PDE4D: variants seen among roughly 807,000 people sequenced by gnomAD.
PDE4D encodes the protein phosphodiesterase 4D.
Under a neutral mutation model 87.4 loss-of-function variants are expected in PDE4D, and 24 were observed. That is an observed-to-expected ratio of 0.27 (90% CI 0.20 to 0.39). The LOEUF is 0.39. PDE4D is among the 10% of genes least tolerant of loss of function. The pLI is 1.00. For missense variants in PDE4D, 714 were observed against 1,041.0 expected, an observed-to-expected ratio of 0.69 and a Z score of 4.32; for synonymous variants, 384 against 383.2, an observed-to-expected ratio of 1.00 and a Z score of -0.02.
chr5:59,975,117 T>C (rs1761173761), intron 3 of PDE4D, among the ~76,000 whole-genome samples: 1 of 152,220 alleles, frequency 6.6e-6, no homozygotes, highest in Non-Finnish European at 1.5e-5. Context: ...GCCAATCAAC[T>C]CTACTTCCTT....
intron 2 of PDE4D, among the ~76,000 whole-genome samples, chr5:59,200,057 GCATGT>G (rs1561688166): frequency 1.3e-5 from 2 of 148,250 alleles, no homozygotes; most frequent in Non-Finnish European, 1.5e-5. Context: ...GTACACACAT[GCATGT>G]ACACACACGT....
At chr5:60,008,866 C>T (rs1318454824) in intron 2 of PDE4D, among the ~76,000 whole-genome samples, 1 of 151,884 alleles carries the variant, frequency 6.6e-6, no homozygotes. Context: ...AGTATTTTGT[C>T]TTATTATATT....
At chr5:59,038,732 G>A in intron 6 of PDE4D, 127 bp downstream of exon 6, 6 of 879,524 alleles carry the variant, frequency 6.8e-6, no homozygotes, top group Non-Finnish European at 9.8e-6. Context: ...CTAAGGAGCA[G>A]AATAGCCAAC....
intron 1 of PDE4D, among the ~76,000 whole-genome samples, chr5:59,315,067 G>A (rs1160655051): frequency 2.0e-5 from 3 of 152,156 alleles, no homozygotes; most frequent in African/African-American, 7.2e-5. Context: ...ATGGGAGCCT[G>A]CTGGCAGAAA....
intron 5 of PDE4D, among the ~76,000 whole-genome samples, chr5:59,119,145 CA>C (rs1269668199): frequency 6.6e-6 from 1 of 152,144 alleles, no homozygotes; most frequent in Non-Finnish European, 1.5e-5. Flanking sequence ...CTTTAAGGTT[CA>C]AAAGATAGCT....
intron 3 of PDE4D, among the ~76,000 whole-genome samples, chr5:59,901,853 A>C (rs1434179172): frequency 6.6e-6 from 1 of 151,786 alleles, no homozygotes; most frequent in East Asian, 1.9e-4. Context: ...TGGTAAAGGT[A>C]AACATTCACA....
chr5:60,407,444 CTTTTTTTTTT>C (rs70975385), intron 1 of PDE4D, among the ~76,000 whole-genome samples: 162 of 80,100 alleles, frequency 2.0e-3, no homozygotes, highest in African/African-American at 8.8e-3. Flanking sequence ...TTTCTTTTTC[CTTTTTTTTTT>C]TTTTTTTTTT....
intron 1 of PDE4D, among the ~76,000 whole-genome samples, chr5:59,574,083 TTTA>T (rs1561240679): frequency 0.025 from 251 of 10,094 alleles, 7 homozygotes; most frequent in African/African-American, 0.071. Flanking sequence ...TATATATATA[TTTA>T]TATATATAAA....
chr5:59,303,499 T>A (rs1208678028), intron 1 of PDE4D, among the ~76,000 whole-genome samples: 5 of 152,176 alleles, frequency 3.3e-5, no homozygotes, highest in African/African-American at 1.2e-4. Flanking sequence ...TCCAAAGTTA[T>A]CTTCTAAAAT....
intron 1 of PDE4D, among the ~76,000 whole-genome samples, chr5:59,369,700 G>T (rs1783653978): frequency 6.6e-6 from 1 of 152,096 alleles, no homozygotes; most frequent in Admixed American, 6.6e-5. Context: ...CACTGGGAAT[G>T]TTAAAAAATT....
intron 1 of PDE4D, among the ~76,000 whole-genome samples, chr5:59,423,224 G>T (rs1294809309): frequency 6.6e-6 from 1 of 152,088 alleles, no homozygotes. Context: ...TCATCCTCAG[G>T]CCTCATCATC....
chr5:60,093,590 C>T (rs1449697554), intron 2 of PDE4D, among the ~76,000 whole-genome samples: 1 of 152,144 alleles, frequency 6.6e-6, no homozygotes, highest in Admixed American at 6.5e-5. Context: ...TACCCCCACT[C>T]TGTCTTGAAC....
intron 2 of PDE4D, among the ~76,000 whole-genome samples, chr5:60,098,608 G>T (rs1317941089): frequency 6.6e-6 from 1 of 151,890 alleles, no homozygotes; most frequent in Non-Finnish European, 1.5e-5. Flanking sequence ...AATGCAACTG[G>T]ATTTTGTATG....
chr5:59,147,205 A>G (rs1778797668), intron 5 of PDE4D, among the ~76,000 whole-genome samples: 1 of 152,212 alleles, frequency 6.6e-6, no homozygotes, highest in Non-Finnish European at 1.5e-5. Context: ...TATAGCTACA[A>G]CACTCAAGAA....
chr5:60,298,673 G>GT (rs1463439092), intron 1 of PDE4D, among the ~76,000 whole-genome samples: 5 of 152,112 alleles, frequency 3.3e-5, no homozygotes, highest in African/African-American at 9.6e-5. Flanking sequence ...TTGTGAAATG[G>GT]TTTTTTATCT....
chr5:59,355,968 T>C (rs568379837), intron 1 of PDE4D, among the ~76,000 whole-genome samples: 1 of 152,282 alleles, frequency 6.6e-6, no homozygotes, highest in Admixed American at 6.5e-5. Context: ...TATCCAAAAT[T>C]TTGCAAACAA....
chr5:59,245,702 T>A (rs1035229827), intron 1 of PDE4D, among the ~76,000 whole-genome samples: 1 of 152,144 alleles, frequency 6.6e-6, no homozygotes, highest in Non-Finnish European at 1.5e-5. Context: ...ATCCTGGTTC[T>A]GCCAGGAGCT....
intron 2 of PDE4D, among the ~76,000 whole-genome samples, chr5:60,088,872 A>G (rs1328205647): frequency 6.6e-6 from 1 of 152,064 alleles, no homozygotes; most frequent in African/African-American, 2.4e-5. Flanking sequence ...TAAAAGACAG[A>G]GTGGCTGAAT....
intron 2 of PDE4D, among the ~76,000 whole-genome samples, chr5:60,107,666 A>G (rs1777151087): frequency 6.6e-6 from 1 of 152,230 alleles, no homozygotes; most frequent in Non-Finnish European, 1.5e-5. Flanking sequence ...CACCATGATC[A>G]AGTGGGCTTC....
Sources: allele counts gnomAD v4.1 joint callset (sites outside exome capture counted in the v4.1 genomes callset), GRCh38; gene constraint gnomAD v4.1.1; transcripts MANE v1.5; gene names NCBI Gene and HGNC (gene_info 2026-07-23, HGNC 2026-07-21).